ME2: variants seen among roughly 807,000 people sequenced by gnomAD.
ME2 encodes the protein malic enzyme 2, also known as NAD-dependent malic enzyme, mitochondrial.
ME2 carries 60 observed loss-of-function variants against 73.7 expected under a neutral mutation model. The observed-to-expected ratio is 0.81, with a 90% CI of 0.66 to 1.01. ME2 has a LOEUF of 1.01. Ranked by LOEUF, ME2 falls within the 50% of genes least tolerant of loss-of-function variation. The pLI is 0.00. For missense variants in ME2, 594 were observed against 705.5 expected, an observed-to-expected ratio of 0.84 and a Z score of 1.79; for synonymous variants, 199 against 236.9, an observed-to-expected ratio of 0.84 and a Z score of 1.47.
chr18:50,902,368 T>C (rs1599096335), intron 2 of ME2, among the ~76,000 whole-genome samples: 1 of 152,246 alleles, frequency 6.6e-6, no homozygotes, highest in African/African-American at 2.4e-5. Context: ...ATATGACTAA[T>C]AAAAGATTTA....
intron 1 of ME2, among the ~76,000 whole-genome samples, chr18:50,895,058 A>G (rs1916704262): frequency 6.6e-6 from 1 of 152,042 alleles, no homozygotes; most frequent in African/African-American, 2.4e-5. Flanking sequence ...TCACAGCATA[A>G]TAATTACAAT....
At chr18:50,893,150 A>T (rs1411463835) in intron 1 of ME2, among the ~76,000 whole-genome samples, 3 of 131,534 alleles carry the variant, frequency 2.3e-5, no homozygotes, top group Non-Finnish European at 3.4e-5. Context: ...AAAAAAAAAA[A>T]AACACCTTTA....
intron 11 of ME2, 44 bp downstream of exon 11, chr18:50,924,256 A>C (rs778542784): frequency 1.6e-6 from 2 of 1,275,214 alleles, no homozygotes; most frequent in Non-Finnish European, 2.3e-6. Context: ...CCCTAACTGT[A>C]TGTTGCCAGT....
intron 15 of ME2, among the ~76,000 whole-genome samples, chr18:50,941,828 C>T (rs1305762376): frequency 1.3e-5 from 2 of 151,680 alleles, no homozygotes; most frequent in Non-Finnish European, 2.9e-5. Context: ...TATCTTTTTC[C>T]ACACTTTTTC....
intron 15 of ME2, among the ~76,000 whole-genome samples, chr18:50,944,484 C>G (rs1461276402): frequency 3.3e-5 from 5 of 152,162 alleles, no homozygotes; most frequent in Non-Finnish European, 4.4e-5. Context: ...ACCCCTTTGG[C>G]TCTATGAGCA....
intron 2 of ME2, among the ~76,000 whole-genome samples, chr18:50,904,706 C>T (rs1427880694): frequency 6.6e-6 from 1 of 152,228 alleles, no homozygotes; most frequent in Non-Finnish European, 1.5e-5. Context: ...GCATGAGCCA[C>T]TGCGCCTGGC....
chr18:50,904,757 C>A (rs1916977327), intron 2 of ME2, among the ~76,000 whole-genome samples: 1 of 152,072 alleles, frequency 6.6e-6, no homozygotes, highest in Admixed American at 6.6e-5. Context: ...TGCATTTAGA[C>A]TATGCTCCAT....
chr18:50,894,492 C>T (rs1239082240), intron 1 of ME2, among the ~76,000 whole-genome samples: 7 of 151,632 alleles, frequency 4.6e-5, no homozygotes, highest in Middle Eastern at 3.4e-3. Flanking sequence ...AGCTTGAATC[C>T]GGGAGGCAGA....
chr18:50,898,564 T>C (rs552984316), intron 2 of ME2, among the ~76,000 whole-genome samples: 13 of 152,272 alleles, frequency 8.5e-5, no homozygotes, highest in Middle Eastern at 3.4e-3. Flanking sequence ...CCCGAGTAGC[T>C]GAGACTACAG....
chr18:50,893,002 G>A (rs770994542), intron 1 of ME2, among the ~76,000 whole-genome samples: 109 of 151,892 alleles, frequency 7.2e-4, no homozygotes, highest in Non-Finnish European at 1.0e-3. Flanking sequence ...GCGCACACCT[G>A]TAATCCCAGC....
At position 50,885,838 on chromosome 18, in the gene ME2, A is replaced by C. The variant is rs565013669; in HGVS notation, c.-13+6530A>C. Among the ~76,000 whole-genome samples, 8 of 152,290 alleles carry C rather than the reference A, an allele frequency of 5.3e-5. No individual in the cohort carries two copies. In the East Asian group the frequency reaches 7.7e-4, roughly 15 times the overall value. ...AATAAATGGAAATAAAGTGACATGG[A>C]GCTTTTATGCAAGATAATCCTGAAA... On this transcript the variant is annotated intron_variant, in intron 1 of 15. Transcript: ENST00000321341.
intron 1 of ME2, among the ~76,000 whole-genome samples, chr18:50,890,285 TG>T (rs1916574623): frequency 6.6e-6 from 1 of 152,146 alleles, no homozygotes. Context: ...TTTCTTTTTT[TG>T]TACTTTTTGT....
chr18:50,947,358 T>C lies in ME2; in HGVS notation c.*174T>C. ...CTGTTGGGGTAGACGTGTTGATTGA[T>C]TGCATTGCCCACCAGCACCCTACAG... On this transcript the variant is annotated 3_prime_UTR_variant, in exon 16 of 16. Coordinates refer to ENST00000321341, the MANE Select transcript of ME2 (RefSeq NM_002396.5). 1.7e-6 allele frequency: 1 copy of C among 604,440 alleles called. No homozygotes were observed. The highest frequency in any genetic ancestry group is 2.9e-6 in the Non-Finnish European group (1 of 346,388). 37.4% of individuals were successfully genotyped at this position (604,440 alleles called of 1,614,324 possible). A position where few individuals can be genotyped will look rare whatever the true frequency, so the allele number is the denominator to read the frequency against.
In ME2 at chr18:50,945,580, A is replaced by C. The variant is rs562135017; in HGVS notation, c.1588-1437A>C. Among the ~76,000 whole-genome samples the C allele has an allele frequency of 2.6e-5, 4 of 152,296 alleles. No homozygotes were observed. The South Asian group carries it at 8.3e-4, about 32-fold the overall frequency. ...AATTGAACACATTTTCTATCACAAAATACACTGAGATTGAGTTCTTGGTAC... is the reference window on the plus strand; with the variant it reads ...AATTGAACACATTTTCTATCACAAACTACACTGAGATTGAGTTCTTGGTAC... On this transcript the variant is annotated intron_variant, in intron 15 of 15. Transcript: ENST00000321341.
At chr18:50,917,247 A>G in intron 5 of ME2, 100 bp from the exon 6 acceptor site, 1 of 890,756 alleles carries the variant, frequency 1.1e-6, no homozygotes, top group East Asian at 2.6e-5. Flanking sequence ...TTTTAAGAGC[A>G]AAGAGTAAAT....
At chr18:50,915,902 T>C (rs984499635) in intron 4 of ME2, 3 of 295,266 alleles carry the variant, frequency 1.0e-5, no homozygotes, top group African/African-American at 4.4e-5. Flanking sequence ...TTGAGTTTAT[T>C]TGAACATGAG....
At chr18:50,905,041 C>T (rs1261864442) in intron 2 of ME2, among the ~76,000 whole-genome samples, 4 of 152,006 alleles carry the variant, frequency 2.6e-5, no homozygotes, top group South Asian at 4.2e-4. Context: ...GGCTGGAGTG[C>T]GGTGGCACGA....
chr18:50,941,203 G>T (rs1215976681), intron 15 of ME2, among the ~76,000 whole-genome samples: 1 of 146,826 alleles, frequency 6.8e-6, no homozygotes, highest in Non-Finnish European at 1.5e-5. Context: ...GGAGGTTGCA[G>T]TGAGCTGAGA....
chr18:50,937,162 TG>T (rs113110879), intron 13 of ME2, among the ~76,000 whole-genome samples: 45 of 149,884 alleles, frequency 3.0e-4, no homozygotes, highest in African/African-American at 1.0e-3. Flanking sequence ...CCCAATTACT[TG>T]AAAAAAAAAA....
Sources: allele counts gnomAD v4.1 joint callset (sites outside exome capture counted in the v4.1 genomes callset), GRCh38; gene constraint gnomAD v4.1.1; transcripts MANE v1.5; gene names NCBI Gene and HGNC (gene_info 2026-07-23, HGNC 2026-07-21).